The following PDZRN4 variants were observed in gnomAD, a reference collection of about 807,000 sequenced individuals.
PDZRN4 encodes PDZ domain-containing RING finger protein 4.
In PDZRN4, 70 loss-of-function variants were observed where a neutral mutation model predicts 99.0. The ratio of observed to expected loss-of-function variants is 0.71; its 90% confidence interval spans 0.58 to 0.86. The LOEUF is 0.86. PDZRN4 is among the 40% of genes least tolerant of loss of function. PDZRN4 has a pLI of 0.00. For missense variants in PDZRN4, 1,474 were observed against 1,331.2 expected, an observed-to-expected ratio of 1.11 and a Z score of -1.67; for synonymous variants, 551 against 501.6, an observed-to-expected ratio of 1.10 and a Z score of -1.32.
chr12:41,558,226 A>G (rs1565614968), intron 7 of PDZRN4, among the ~76,000 whole-genome samples: 3 of 152,222 alleles, frequency 2.0e-5, no homozygotes, highest in Non-Finnish European at 4.4e-5. Flanking sequence ...TCCAGCATTC[A>G]TTCCACAATA....
intron 3 of PDZRN4, among the ~76,000 whole-genome samples, chr12:41,487,759 A>C (rs1937802786): frequency 6.6e-6 from 1 of 152,224 alleles, no homozygotes; most frequent in African/African-American, 2.4e-5. Context: ...AGATTCTGTC[A>C]CACTTGATCA....
At chr12:41,562,720 T>C (rs985724351) in intron 7 of PDZRN4, among the ~76,000 whole-genome samples, 2 of 152,126 alleles carry the variant, frequency 1.3e-5, no homozygotes, top group African/African-American at 4.8e-5. Flanking sequence ...ACAAATCTTA[T>C]TTACTTTTTC....
intron 3 of PDZRN4, among the ~76,000 whole-genome samples, chr12:41,456,196 C>G (rs771531054): frequency 6.6e-6 from 1 of 152,200 alleles, no homozygotes; most frequent in African/African-American, 2.4e-5. Context: ...AGGACAAAGT[C>G]CAGTTATCCC....
intron 3 of PDZRN4, among the ~76,000 whole-genome samples, chr12:41,407,306 T>C (rs1952357403): frequency 6.6e-6 from 1 of 152,184 alleles, no homozygotes; most frequent in Non-Finnish European, 1.5e-5. Context: ...TTCTAAGTTC[T>C]GTGTTTTAAC....
At chr12:41,352,137 C>A (rs1484896071) in intron 3 of PDZRN4, among the ~76,000 whole-genome samples, 1 of 151,822 alleles carries the variant, frequency 6.6e-6, no homozygotes, top group African/African-American at 2.4e-5. Context: ...TACTTTCTGA[C>A]AAGGGTGCAC....
intron 3 of PDZRN4, among the ~76,000 whole-genome samples, chr12:41,498,131 A>ATCTCTC (rs149654935): frequency 8.0e-5 from 12 of 149,552 alleles, no homozygotes; most frequent in South Asian, 4.2e-4. Context: ...TAGGTTCTCA[A>ATCTCTC]TCTCTCTCTC....
chr12:41,228,829 G>A (rs1951012113), intron 3 of PDZRN4, among the ~76,000 whole-genome samples: 1 of 152,006 alleles, frequency 6.6e-6, no homozygotes, highest in Non-Finnish European at 1.5e-5. Flanking sequence ...GAACTGAGGT[G>A]ATTTTCTCAA....
intron 3 of PDZRN4, among the ~76,000 whole-genome samples, chr12:41,499,228 C>G (rs761249796): frequency 6.6e-5 from 10 of 152,074 alleles, no homozygotes; most frequent in Non-Finnish European, 1.3e-4. Flanking sequence ...CAGTAGAGAT[C>G]CTGGGTGAGG....
intron 3 of PDZRN4, chr12:41,411,376 C>T (rs1952398405): frequency 1.3e-5 from 2 of 152,098 alleles, no homozygotes; most frequent in Non-Finnish European, 1.5e-5. Flanking sequence ...GATGGCAGTC[C>T]CATGTGCCAC....
At chr12:41,302,880 C>A (rs1280143651) in intron 3 of PDZRN4, among the ~76,000 whole-genome samples, 3 of 151,798 alleles carry the variant, frequency 2.0e-5, no homozygotes, top group Non-Finnish European at 2.9e-5. Context: ...ATAAATTTTT[C>A]TGTCCAGGAG....
intron 3 of PDZRN4, among the ~76,000 whole-genome samples, chr12:41,218,527 C>T (rs754597290): frequency 2.0e-5 from 3 of 152,040 alleles, no homozygotes; most frequent in Non-Finnish European, 4.4e-5. Flanking sequence ...GGAAAATGCT[C>T]ATTATATAAA....
At chr12:41,192,118 C>A (rs1379468233) in intron 2 of PDZRN4, among the ~76,000 whole-genome samples, 2 of 151,780 alleles carry the variant, frequency 1.3e-5, no homozygotes, top group Non-Finnish European at 2.9e-5. Flanking sequence ...AAATTATTTT[C>A]TTTTTGAGTT....
chr12:41,254,044 TGTGTGTGTGTGTTTGC>T (rs1225821468), intron 3 of PDZRN4, among the ~76,000 whole-genome samples: 1 of 148,312 alleles, frequency 6.7e-6, no homozygotes, highest in Non-Finnish European at 1.5e-5. Flanking sequence ...CGTGTGTGTG[TGTGTGTGTGTGTTTGC>T]GTGTGTGTGT....
At chr12:41,514,280 C>A (rs1231639991) in intron 5 of PDZRN4, among the ~76,000 whole-genome samples, 3 of 151,992 alleles carry the variant, frequency 2.0e-5, no homozygotes, top group African/African-American at 7.2e-5. Flanking sequence ...AATCCTTGTG[C>A]TGTGCTGAGA....
intron 3 of PDZRN4, among the ~76,000 whole-genome samples, chr12:41,447,137 C>A (rs1474831434): frequency 6.6e-6 from 1 of 152,030 alleles, no homozygotes; most frequent in Non-Finnish European, 1.5e-5. Context: ...CAATTTTAAT[C>A]ATAGAATATG....
chr12:41,405,704 G>A (rs548353684), intron 3 of PDZRN4, among the ~76,000 whole-genome samples: 75 of 152,058 alleles, frequency 4.9e-4, no homozygotes, highest in African/African-American at 1.5e-3. Flanking sequence ...ACCTAAATGC[G>A]GATCAGTACT....
At chr12:41,411,156 C>A (rs1952396719) in intron 3 of PDZRN4, among the ~76,000 whole-genome samples, 1 of 151,910 alleles carries the variant, frequency 6.6e-6, no homozygotes, top group African/African-American at 2.4e-5. Context: ...CTGCCTCAGC[C>A]TCCCAAAGTG....
At chr12:41,330,490 T>TAAA (rs201298001) in intron 3 of PDZRN4, among the ~76,000 whole-genome samples, 4,832 of 139,430 alleles carry the variant, frequency 0.035, 110 homozygotes, top group South Asian at 0.059. Flanking sequence ...TCTAATATGG[T>TAAA]AAAAAAAAAA....
At chr12:41,446,139 T>A (rs1952726185) in intron 3 of PDZRN4, among the ~76,000 whole-genome samples, 1 of 152,114 alleles carries the variant, frequency 6.6e-6, no homozygotes, top group Non-Finnish European at 1.5e-5. Flanking sequence ...ATTTGTGCCA[T>A]TCTGTAGCAA....
Sources: allele counts gnomAD v4.1 joint callset (sites outside exome capture counted in the v4.1 genomes callset), GRCh38; gene constraint gnomAD v4.1.1; transcripts MANE v1.5; gene names NCBI Gene and HGNC (gene_info 2026-07-23, HGNC 2026-07-21).